The following RBFOX1 variants were observed in gnomAD, a reference collection of about 807,000 sequenced individuals.
The protein encoded by RBFOX1 is RNA binding fox-1 homolog 1, also known as RNA binding protein fox-1 homolog 1.
A neutral mutation model predicts 57.7 loss-of-function variants in RBFOX1; 8 were observed. The ratio of observed to expected loss-of-function variants is 0.14; its 90% CI spans 0.08 to 0.25. RBFOX1 has a LOEUF of 0.25. RBFOX1 is among the 10% of genes least tolerant of loss of function. The probability of loss-of-function intolerance (pLI) is 1.00; values close to 1 mark genes in which losing one functional copy is unlikely to be tolerated. For synonymous variants in RBFOX1, 326 were observed against 222.4 expected (o/e 1.47, Z -4.15); for missense variants, 611 against 548.5 (o/e 1.11, Z -1.14).
intron 5 of RBFOX1, among the ~76,000 whole-genome samples, chr16:7,563,886 A>T (rs117968171): frequency 0.014 from 2,096 of 152,122 alleles, 28 homozygotes; most frequent in Non-Finnish European, 0.021. Context: ...GCAGACACCA[A>T]CCTCCAACCC....
At chr16:6,725,138 C>T (rs545876450) in intron 3 of RBFOX1, among the ~76,000 whole-genome samples, 9 of 147,070 alleles carry the variant, frequency 6.1e-5, no homozygotes, top group Admixed American at 1.4e-4. Flanking sequence ...GCAAGCTCTG[C>T]GTCCCGGGTT....
At chr16:7,383,935 T>G (rs1378019054) in intron 4 of RBFOX1, among the ~76,000 whole-genome samples, 3 of 151,854 alleles carry the variant, frequency 2.0e-5, no homozygotes, top group Non-Finnish European at 4.4e-5. Context: ...GTGCCTGTAG[T>G]CCCAGCTACT....
At chr16:7,537,171 G>A (rs2081669406) in intron 5 of RBFOX1, among the ~76,000 whole-genome samples, 1 of 147,854 alleles carries the variant, frequency 6.8e-6, no homozygotes, top group Non-Finnish European at 1.5e-5. Flanking sequence ...TTGGGAAGTG[G>A]CAGAAAGGAC....
chr16:6,901,067 T>C (rs1416710929), intron 3 of RBFOX1, among the ~76,000 whole-genome samples: 1 of 152,222 alleles, frequency 6.6e-6, no homozygotes, highest in Non-Finnish European at 1.5e-5. Flanking sequence ...GCTTGGCCAC[T>C]GGATACTTCT....
intron 3 of RBFOX1, among the ~76,000 whole-genome samples, chr16:6,695,409 C>T (rs1170563502): frequency 6.4e-5 from 3 of 47,194 alleles, no homozygotes; most frequent in Admixed American, 8.0e-4. Flanking sequence ...GAGAGAAACT[C>T]TGTCAAAAAA....
intron 3 of RBFOX1, among the ~76,000 whole-genome samples, chr16:6,947,302 A>C (rs984668266): frequency 2.0e-5 from 3 of 152,102 alleles, no homozygotes; most frequent in African/African-American, 7.2e-5. Context: ...CACCCTTCCC[A>C]CAGGTAGGGT....
intron 1 of RBFOX1, among the ~76,000 whole-genome samples, chr16:5,269,879 G>A (rs1477249059): frequency 6.6e-6 from 1 of 152,182 alleles, no homozygotes; most frequent in Admixed American, 6.5e-5. Context: ...TCCAGGCTGG[G>A]CATGGTGGCT....
intron 4 of RBFOX1, among the ~76,000 whole-genome samples, chr16:7,434,247 A>G (rs2098704668): frequency 6.6e-6 from 1 of 152,110 alleles, no homozygotes; most frequent in South Asian, 2.1e-4. Context: ...CAAGGCAGGC[A>G]GATCACGACT....
intron 4 of RBFOX1, among the ~76,000 whole-genome samples, chr16:7,262,474 A>G (rs756014604): frequency 1.3e-5 from 2 of 152,244 alleles, no homozygotes; most frequent in Admixed American, 6.5e-5. Flanking sequence ...ATGTGGATCT[A>G]TGTATTAAAA....
intron 1 of RBFOX1, among the ~76,000 whole-genome samples, chr16:5,343,140 A>G (rs911051716): frequency 1.3e-5 from 2 of 152,122 alleles, no homozygotes; most frequent in Admixed American, 1.3e-4. Flanking sequence ...GAAGCATGTG[A>G]CCATTGTTGC....
At chr16:5,725,955 C>G (rs1218531596) in intron 3 of RBFOX1, among the ~76,000 whole-genome samples, 4 of 152,054 alleles carry the variant, frequency 2.6e-5, no homozygotes, top group Admixed American at 6.5e-5. Flanking sequence ...TCCATACAAA[C>G]CCACATTTCT....
At chr16:6,910,039 C>T (rs866158412) in intron 3 of RBFOX1, among the ~76,000 whole-genome samples, 46 of 152,024 alleles carry the variant, frequency 3.0e-4, no homozygotes, top group African/African-American at 9.4e-4. Flanking sequence ...ATTACTCTTA[C>T]CTCTACAGGC....
chr16:7,507,866 A>T (rs1031604931), intron 4 of RBFOX1, among the ~76,000 whole-genome samples: 1 of 147,144 alleles, frequency 6.8e-6, no homozygotes, highest in Non-Finnish European at 1.5e-5. Flanking sequence ...CCCGGCCGGA[A>T]TCTGTTATTT....
At chr16:5,465,587 G>A (rs914738217) in intron 1 of RBFOX1, among the ~76,000 whole-genome samples, 1 of 152,156 alleles carries the variant, frequency 6.6e-6, no homozygotes, top group Admixed American at 6.5e-5. Flanking sequence ...TCAAAGTCAT[G>A]TCCCCCAGGA....
chr16:6,010,557 A>G (rs1187467069), intron 4 of RBFOX1, among the ~76,000 whole-genome samples: 2 of 152,174 alleles, frequency 1.3e-5, no homozygotes, highest in Non-Finnish European at 2.9e-5. Flanking sequence ...TGACATTCAA[A>G]TACTTATCTC....
Position 7,298,285 on chromosome 16 carries a change from G to GTTTTTTTT in RBFOX1, c.28-219848_28-219841dup, listed in dbSNP as rs201092743. On this transcript the variant is annotated intron_variant, in intron 4 of 15. Transcript: ENST00000550418. Reference sequence around the variant, plus strand: ...AAAATTTGTGTATAGGTTTTTTTTTGTTTTTTTTTTTTTTTTTTTTTGAGA... The same window carrying GTTTTTTTT: ...AAAATTTGTGTATAGGTTTTTTTTTGTTTTTTTTTTTTTTTTTTTTTTTTTTTTTGAGA... Among the ~76,000 whole-genome samples the GTTTTTTTT allele has an allele frequency of 3.5e-4, 34 of 96,578 alleles. 2 individuals are homozygous for GTTTTTTTT. Among genetic ancestry groups the GTTTTTTTT allele is most frequent in the African/African-American group, 1.0e-3 (25 of 24,922 alleles). The allele number at this position is 96,578 out of a possible 152,430, so 63.4% of individuals were successfully genotyped here. A position where few individuals can be genotyped will look rare whatever the true frequency, so the allele number is the denominator to read the frequency against.
At chr16:5,833,159 A>G (rs181272305) in intron 3 of RBFOX1, among the ~76,000 whole-genome samples, 3 of 152,294 alleles carry the variant, frequency 2.0e-5, no homozygotes, top group Non-Finnish European at 4.4e-5. Flanking sequence ...GGAAAGTGAC[A>G]TCTCCTCCTA....
chr16:6,502,219 A>G (rs554115709), intron 2 of RBFOX1, among the ~76,000 whole-genome samples: 2 of 152,286 alleles, frequency 1.3e-5, no homozygotes, highest in African/African-American at 4.8e-5. Flanking sequence ...GGAGCTATGC[A>G]GATCCATCTG....
At chr16:5,826,465 T>C (rs1203801112) in intron 3 of RBFOX1, among the ~76,000 whole-genome samples, 1 of 152,234 alleles carries the variant, frequency 6.6e-6, no homozygotes, top group Non-Finnish European at 1.5e-5. Context: ...AGATATATTT[T>C]GGTGTTGTGA....
Sources: allele counts gnomAD v4.1 joint callset (sites outside exome capture counted in the v4.1 genomes callset), GRCh38; gene constraint gnomAD v4.1.1; transcripts MANE v1.5; gene names NCBI Gene and HGNC (gene_info 2026-07-23, HGNC 2026-07-21).